The following FARP1 variants were observed in gnomAD, a reference collection of about 807,000 sequenced individuals.
FARP1 encodes FERM, ARH/RhoGEF and pleckstrin domain protein 1.
FARP1 carries 52 observed loss-of-function variants against 128.8 expected under a neutral mutation model. The observed-to-expected ratio is 0.40, with a 90% CI of 0.32 to 0.51. The LOEUF (loss-of-function observed/expected upper bound fraction) is 0.51, where lower values mean the gene tolerates loss of function less well. Among genes scored for constraint, FARP1 ranks in the 20% least tolerant of loss-of-function variants. FARP1 has a pLI of 0.45. For missense variants in FARP1, 1,333 were observed against 1,367.9 expected, an observed-to-expected ratio of 0.97 and a Z score of 0.40; for synonymous variants, 580 against 551.8, an observed-to-expected ratio of 1.05 and a Z score of -0.72.
chr13:98,420,940 C>T (rs541363001), intron 16 of FARP1, among the ~76,000 whole-genome samples: 24 of 152,292 alleles, frequency 1.6e-4, no homozygotes, highest in African/African-American at 5.3e-4. Flanking sequence ...ATTTTGTCCC[C>T]GGTCCCTGGG....
chr13:98,426,703 C>G (rs1371964736), intron 17 of FARP1, among the ~76,000 whole-genome samples: 1 of 151,996 alleles, frequency 6.6e-6, no homozygotes, highest in African/African-American at 2.4e-5. Context: ...CAATTTGAGG[C>G]AATACCAGAG....
At chr13:98,193,861 C>A (rs1348511641) in intron 1 of FARP1, among the ~76,000 whole-genome samples, 1 of 152,156 alleles carries the variant, frequency 6.6e-6, no homozygotes, top group Non-Finnish European at 1.5e-5. Flanking sequence ...TTCTAGTGAT[C>A]CTTGCTTCAT....
chr13:98,148,526 C>A lies in FARP1; in HGVS notation c.-24+5034C>A, dbSNP rs544713173. ...CTTAACCTGCGCCAAATTTGACATT[C>A]TAATTGTTTTATATGGTACTTGTCT... On this transcript the variant is annotated intron_variant, in intron 1 of 26. Transcript: ENST00000319562. Among the ~76,000 whole-genome samples, 332 of 152,312 alleles carry A rather than the reference C, an allele frequency of 2.2e-3. 4 individuals carry two copies. The highest frequency in any genetic ancestry group is 6.7e-3 in the African/African-American group (278 of 41,570).
chr13:98,377,765 T>G (rs868576712), intron 5 of FARP1, 56 bp from the exon 6 acceptor site: 1 of 1,328,042 alleles, frequency 7.5e-7, no homozygotes, highest in South Asian at 1.2e-5. Flanking sequence ...TGAGGCCAGG[T>G]TCCCGGTGAC....
At chr13:98,380,634 C>G (rs1172905550) in intron 6 of FARP1, among the ~76,000 whole-genome samples, 2 of 152,114 alleles carry the variant, frequency 1.3e-5, no homozygotes, top group African/African-American at 2.4e-5. Context: ...AGCGTAGTCT[C>G]TCAATCATGG....
chr13:98,314,341 G>A (rs1329007096), intron 2 of FARP1, among the ~76,000 whole-genome samples: 8 of 127,256 alleles, frequency 6.3e-5, no homozygotes, highest in Non-Finnish European at 1.2e-4. Flanking sequence ...GTGCACTGGC[G>A]CAATCTCGGC....
chr13:98,343,033 A>G (rs1888034246), intron 2 of FARP1, among the ~76,000 whole-genome samples: 1 of 152,176 alleles, frequency 6.6e-6, no homozygotes, highest in African/African-American at 2.4e-5. Flanking sequence ...TCAAGAAAAA[A>G]AAAAAGACAC....
intron 1 of FARP1, among the ~76,000 whole-genome samples, chr13:98,183,863 G>C (rs1477103038): frequency 6.6e-6 from 1 of 152,094 alleles, no homozygotes; most frequent in African/African-American, 2.4e-5. Flanking sequence ...TAGGAGGCTT[G>C]TGTGTCTCTC....
At chr13:98,299,616 C>T (rs1358160601) in intron 2 of FARP1, among the ~76,000 whole-genome samples, 1 of 152,228 alleles carries the variant, frequency 6.6e-6, no homozygotes, top group African/African-American at 2.4e-5. Flanking sequence ...CAAAGAACCA[C>T]ATTAGAGTCT....
At chr13:98,178,465 G>A (rs1314428978) in intron 1 of FARP1, among the ~76,000 whole-genome samples, 2 of 152,114 alleles carry the variant, frequency 1.3e-5, no homozygotes, top group South Asian at 4.1e-4. Context: ...TAAAATGTTG[G>A]TATTACAGGC....
chr13:98,199,925 A>ATT (rs952590775), intron 1 of FARP1, among the ~76,000 whole-genome samples: 2 of 151,878 alleles, frequency 1.3e-5, no homozygotes, highest in African/African-American at 4.8e-5. Context: ...ATGATTGGAG[A>ATT]TTTTTTTCTG....
chr13:98,195,879 C>T (rs941781461), intron 1 of FARP1, among the ~76,000 whole-genome samples: 1 of 151,874 alleles, frequency 6.6e-6, no homozygotes, highest in South Asian at 2.1e-4. Flanking sequence ...TTAAAAAATT[C>T]GCTGGGCGTG....
In FARP1 at chr13:98,405,526, G is replaced by A. The variant is rs573487232; in HGVS notation, c.1415-3812G>A. 4 of 152,270 alleles carry A rather than the reference G, an allele frequency of 2.6e-5. No homozygotes were observed. In the South Asian group the frequency reaches 8.3e-4, roughly 32 times the overall value. 9.4% of individuals were successfully genotyped at this position (152,270 alleles called of 1,614,324 possible). On this transcript the variant is annotated intron_variant, in intron 13 of 26. Coordinates refer to ENST00000319562, the MANE Select transcript of FARP1 (RefSeq NM_005766.4). ...AGATGAATGGCAGGGTGGCGGGAGG[G>A]GTCATGAAATCATGGGGAAGAGGTG... is the stretch of plus-strand genomic sequence containing the variant.
intron 3 of FARP1, among the ~76,000 whole-genome samples, chr13:98,356,128 T>G (rs1385019928): frequency 6.6e-6 from 1 of 152,264 alleles, no homozygotes; most frequent in Non-Finnish European, 1.5e-5. Flanking sequence ...TGTTCAAATC[T>G]ATTATTTATT....
intron 1 of FARP1, among the ~76,000 whole-genome samples, chr13:98,192,829 A>G (rs61968649): frequency 0.21 from 31,299 of 152,228 alleles, 3,931 homozygotes; most frequent in Middle Eastern, 0.35. Flanking sequence ...TGTACAAGTA[A>G]TAAAAAAGAA....
At chr13:98,326,527 G>A (rs1887242185) in intron 2 of FARP1, among the ~76,000 whole-genome samples, 1 of 152,148 alleles carries the variant, frequency 6.6e-6, no homozygotes, top group Admixed American at 6.5e-5. Context: ...TCTGTTGCCT[G>A]ATTTCTTTTC....
intron 2 of FARP1, among the ~76,000 whole-genome samples, chr13:98,323,834 C>T (rs1354659585): frequency 6.6e-6 from 1 of 152,206 alleles, no homozygotes; most frequent in East Asian, 1.9e-4. Context: ...CTCTTCCTTT[C>T]CAGAATTCAA....
At position 98,331,132 on chromosome 13, in the gene FARP1, G is replaced by A. The variant is rs575486357; in HGVS notation, c.172-12630G>A. Among the ~76,000 whole-genome samples, 19 of 152,274 alleles carry A rather than the reference G, an allele frequency of 1.2e-4. No individual in the cohort carries two copies. In the South Asian group the frequency reaches 3.9e-3, roughly 32 times the overall value. On this transcript the variant is annotated intron_variant, in intron 2 of 26. Transcript: ENST00000319562. ...AGAACTGTGGTTTATTAACACCTAA[G>A]GAAACTGGTTGTCTGATACTCATAT...
intron 12 of FARP1, among the ~76,000 whole-genome samples, chr13:98,394,004 G>A (rs1006324583): frequency 3.9e-5 from 6 of 152,310 alleles, no homozygotes; most frequent in South Asian, 2.1e-4. Flanking sequence ...GAACCATCGC[G>A]GCAGTGGGCA....
Sources: gnomAD v4.1 joint callset for allele counts (sites outside exome capture counted in the v4.1 genomes callset) on GRCh38, gnomAD v4.1.1 for gene constraint, MANE v1.5 for transcripts, NCBI Gene and HGNC (gene_info 2026-07-23, HGNC 2026-07-21) for gene names.